The following AHCTF1 variants were observed in gnomAD, a reference collection of about 807,000 sequenced individuals.
AHCTF1 encodes AT-hook containing transcription factor 1.
A neutral mutation model predicts 248.4 loss-of-function variants in AHCTF1; 24 were observed. The ratio of observed to expected loss-of-function variants is 0.10; its 90% confidence interval spans 0.07 to 0.14. The LOEUF (loss-of-function observed/expected upper bound fraction) is 0.14, where lower values mean the gene tolerates loss of function less well. Among genes scored for constraint, AHCTF1 ranks in the 10% least tolerant of loss-of-function variants. AHCTF1 has a pLI of 1.00. For missense variants in AHCTF1, 2,206 were observed against 2,636.2 expected, an observed-to-expected ratio of 0.84 and a Z score of 3.57; for synonymous variants, 786 against 929.8, an observed-to-expected ratio of 0.85 and a Z score of 2.81.
intron 4 of AHCTF1, among the ~76,000 whole-genome samples, chr1:246,911,993 G>A (rs1342566188): frequency 2.0e-5 from 3 of 151,982 alleles, no homozygotes; most frequent in Admixed American, 6.6e-5. Flanking sequence ...GAGTGCAGTG[G>A]CGTGATCTCG....
chr1:246,914,376 T>C (rs1452837686), intron 3 of AHCTF1, among the ~76,000 whole-genome samples: 1 of 152,200 alleles, frequency 6.6e-6, no homozygotes, highest in South Asian at 2.1e-4. Flanking sequence ...CTGATATCAA[T>C]GATTCATGTG....
At chr1:246,905,313 C>G (rs1042064576) in intron 6 of AHCTF1, among the ~76,000 whole-genome samples, 5 of 152,110 alleles carry the variant, frequency 3.3e-5, no homozygotes, top group African/African-American at 7.2e-5. Flanking sequence ...GCCTGGCCAA[C>G]ATGGTGAAAC....
At chr1:246,906,412 TAAA>T (rs112484454) in intron 5 of AHCTF1, among the ~76,000 whole-genome samples, 1 of 144,564 alleles carries the variant, frequency 6.9e-6, no homozygotes. Flanking sequence ...AATCCGTCTC[TAAA>T]AAAAAAAAAT....
intron 1 of AHCTF1, among the ~76,000 whole-genome samples, chr1:246,925,257 T>C (rs1280782760): frequency 6.6e-6 from 1 of 152,206 alleles, no homozygotes; most frequent in Admixed American, 6.5e-5. Flanking sequence ...ATGATCCCTA[T>C]ACTTCAATCA....
intron 4 of AHCTF1, among the ~76,000 whole-genome samples, chr1:246,908,032 G>C (rs1665519940): frequency 6.6e-6 from 1 of 151,926 alleles, no homozygotes; most frequent in South Asian, 2.1e-4. Flanking sequence ...AATTTTTTTA[G>C]GGTTAACAAC....
At chr1:246,875,546 T>C (rs1662876944) in intron 24 of AHCTF1, among the ~76,000 whole-genome samples, 1 of 152,200 alleles carries the variant, frequency 6.6e-6, no homozygotes, top group Admixed American at 6.5e-5. Flanking sequence ...TATCACATGC[T>C]ACAGAGAAAC....
At chr1:246,882,483 A>G (rs1161245173) in intron 21 of AHCTF1, among the ~76,000 whole-genome samples, 4 of 152,114 alleles carry the variant, frequency 2.6e-5, no homozygotes, top group South Asian at 2.1e-4. Context: ...ATTTAAAGAT[A>G]CTTAGAACAG....
intron 1 of AHCTF1, among the ~76,000 whole-genome samples, chr1:246,926,482 C>A (rs1433581960): frequency 1.3e-5 from 2 of 152,198 alleles, no homozygotes. Context: ...AATTTAACAG[C>A]CTTTGAATCT....
intron 1 of AHCTF1, among the ~76,000 whole-genome samples, chr1:246,926,941 A>T (rs572883508): frequency 1.3e-5 from 2 of 152,010 alleles, no homozygotes; most frequent in Non-Finnish European, 2.9e-5. Flanking sequence ...TTGGGAGGCT[A>T]AGGCGGGCGG....
intron 1 of AHCTF1, among the ~76,000 whole-genome samples, chr1:246,918,830 T>C (rs985887839): frequency 2.0e-5 from 3 of 152,192 alleles, no homozygotes; most frequent in Non-Finnish European, 4.4e-5. Flanking sequence ...ATTCATCTCA[T>C]TGTCTAACCT....
chr1:246,865,529 C>T (rs1370432862), intron 26 of AHCTF1, among the ~76,000 whole-genome samples: 2 of 152,182 alleles, frequency 1.3e-5, no homozygotes, highest in Non-Finnish European at 2.9e-5. Flanking sequence ...ATCTTGTTTG[C>T]ATTTAAATTC....
chr1:246,904,116 G>A, intron 6 of AHCTF1, 83 bp from the exon 7 acceptor site: 4 of 1,219,426 alleles, frequency 3.3e-6, no homozygotes, highest in Non-Finnish European at 4.8e-6. Context: ...TAGTTTGCTT[G>A]CAATGTTGAG....
rs373898965 is a variant in AHCTF1, at chr1:246,929,547, CTCT to C, written c.-8+2028_-8+2030del. Among the ~76,000 whole-genome samples the C allele has an allele frequency of 3.3e-3, 506 of 152,350 alleles. 4 individuals are homozygous for C. Among genetic ancestry groups the C allele is most frequent in the African/African-American group, 0.011 (453 of 41,580 alleles). On this transcript the variant is annotated intron_variant, in intron 1 of 35. Transcript: ENST00000648844. ...CAAAGAAACATCAGAGTGGAAACAT[CTCT>C]TCCACAGAATGAGTCCAGGATTGAT... is the stretch of plus-strand genomic sequence containing the variant.
At chr1:246,872,305 C>T (rs968530214) in intron 24 of AHCTF1, among the ~76,000 whole-genome samples, 5 of 152,070 alleles carry the variant, frequency 3.3e-5, no homozygotes, top group East Asian at 1.9e-4. Flanking sequence ...TGGGGTGGCA[C>T]GCCAGGAAAA....
intron 35 of AHCTF1, among the ~76,000 whole-genome samples, chr1:246,841,283 A>C (rs1659845337): frequency 6.6e-6 from 1 of 152,232 alleles, no homozygotes; most frequent in African/African-American, 2.4e-5. Flanking sequence ...GTATGAAAAA[A>C]TACTGCTGGA....
At chr1:246,912,940 T>C (rs1050506172) in intron 4 of AHCTF1, among the ~76,000 whole-genome samples, 2 of 152,200 alleles carry the variant, frequency 1.3e-5, no homozygotes, top group Non-Finnish European at 2.9e-5. Flanking sequence ...GAATAGATCT[T>C]ATTCAGGTAT....
intron 1 of AHCTF1, among the ~76,000 whole-genome samples, chr1:246,919,839 C>G (rs1267535169): frequency 6.6e-6 from 1 of 151,710 alleles, no homozygotes; most frequent in Non-Finnish European, 1.5e-5. Context: ...AAAGTTAAAG[C>G]AACAAAGAAA....
intron 1 of AHCTF1, among the ~76,000 whole-genome samples, chr1:246,918,665 C>A (rs1666315708): frequency 6.6e-6 from 1 of 152,210 alleles, no homozygotes; most frequent in Non-Finnish European, 1.5e-5. Flanking sequence ...AAAATCCAGT[C>A]TTAAAAACAA....
At chr1:246,856,904 T>C (rs1661147425) in intron 30 of AHCTF1, among the ~76,000 whole-genome samples, 1 of 152,222 alleles carries the variant, frequency 6.6e-6, no homozygotes, top group Non-Finnish European at 1.5e-5. Context: ...TTGTAAGTTA[T>C]ATTTTGTGTC....
Sources: gnomAD v4.1 joint callset for allele counts (sites outside exome capture counted in the v4.1 genomes callset) on GRCh38, gnomAD v4.1.1 for gene constraint, MANE v1.5 for transcripts, NCBI Gene and HGNC (gene_info 2026-07-23, HGNC 2026-07-21) for gene names.